The following NIM1K variants were observed in gnomAD, a reference collection of about 807,000 sequenced individuals.
NIM1K encodes the protein NIM1 serine/threonine protein kinase.
In NIM1K, 35 loss-of-function variants were observed where a neutral mutation model predicts 37.1. That is an observed-to-expected ratio of 0.94 (90% CI 0.72 to 1.25). NIM1K has a LOEUF of 1.25. NIM1K is among the 50% of genes most tolerant of loss of function. NIM1K has a pLI of 0.00. For missense variants in NIM1K, 564 were observed against 548.0 expected (o/e 1.03, Z -0.29); for synonymous variants, 234 against 206.6 (o/e 1.13, Z -1.14).
At chr5:43,234,495 T>G (rs1752589330) in intron 1 of NIM1K, among the ~76,000 whole-genome samples, 1 of 152,166 alleles carries the variant, frequency 6.6e-6, no homozygotes, top group Non-Finnish European at 1.5e-5. Flanking sequence ...TTGTTTAATT[T>G]AAACTCCCAT....
intron 1 of NIM1K, among the ~76,000 whole-genome samples, chr5:43,204,395 A>G (rs1285432218): frequency 6.7e-6 from 1 of 150,258 alleles, no homozygotes; most frequent in African/African-American, 2.4e-5. Flanking sequence ...GATAGTTCCA[A>G]TGGTTAATTC....
At chr5:43,210,657 T>C (rs1022270616) in intron 1 of NIM1K, among the ~76,000 whole-genome samples, 4 of 152,072 alleles carry the variant, frequency 2.6e-5, no homozygotes, top group Non-Finnish European at 5.9e-5. Context: ...TACAAAGACA[T>C]AGAAGCATGA....
intron 1 of NIM1K, among the ~76,000 whole-genome samples, chr5:43,241,967 C>T (rs768921632): frequency 6.6e-6 from 1 of 151,908 alleles, no homozygotes; most frequent in African/African-American, 2.4e-5. Flanking sequence ...GGCTTTTTCC[C>T]CAGTTGACTT....
At position 43,233,052 on chromosome 5, in the gene NIM1K, G is replaced by A. The variant is rs1010590545; in HGVS notation, c.-694-12030G>A. The A allele has an allele frequency of 3.5e-5, 45 of 1,304,270 alleles. No individual in the cohort carries two copies. The African/African-American group carries it at 4.3e-4, about 13-fold the overall frequency. 80.8% of individuals were successfully genotyped at this position (1,304,270 alleles called of 1,614,324 possible). ...TGAAGGAGTCATCTCCTCCCCGAGT[G>A]GTCTTGTCACTTGGCATCTGGCCAT... On this transcript the variant is annotated intron_variant, in intron 1 of 3. Transcript: ENST00000326035.
At chr5:43,237,490 GAAC>G (rs1025865416) in intron 1 of NIM1K, among the ~76,000 whole-genome samples, 51 of 152,252 alleles carry the variant, frequency 3.3e-4, no homozygotes, top group Middle Eastern at 6.8e-3. Flanking sequence ...AAAGGCAAAA[GAAC>G]AACAACAAAA....
intron 1 of NIM1K, among the ~76,000 whole-genome samples, chr5:43,222,018 G>C (rs564096009): frequency 6.6e-6 from 1 of 152,148 alleles, no homozygotes; most frequent in Admixed American, 6.5e-5. Flanking sequence ...TGGAGGAGGA[G>C]GCATGAGAGT....
intron 1 of NIM1K, among the ~76,000 whole-genome samples, chr5:43,211,591 G>T (rs1392298098): frequency 1.3e-5 from 2 of 152,212 alleles, no homozygotes; most frequent in African/African-American, 4.8e-5. Flanking sequence ...CCAACAGGAT[G>T]TTTGTGAGAC....
rs997926283 is a variant in NIM1K at position 43,278,277 on chromosome 5, T to G, written c.561+952T>G. Among the ~76,000 whole-genome samples, 6 of 152,314 alleles carry G rather than the reference T, an allele frequency of 3.9e-5. No homozygotes were observed. In the South Asian group the frequency reaches 1.2e-3, roughly 32 times the overall value. On this transcript the variant is annotated intron_variant, in intron 3 of 3. Coordinates refer to ENST00000326035, the MANE Select transcript of NIM1K (RefSeq NM_153361.4). Reference sequence around the variant, plus strand: ...TCAGGCTTGTCTTGAACTCCTGACCTCAAGCGATCCACCTGCCTCGGTCTC... The same window carrying G: ...TCAGGCTTGTCTTGAACTCCTGACCGCAAGCGATCCACCTGCCTCGGTCTC...
At chr5:43,224,703 T>TTC (rs1397268382) in intron 1 of NIM1K, among the ~76,000 whole-genome samples, 1 of 150,984 alleles carries the variant, frequency 6.6e-6, no homozygotes, top group African/African-American at 2.4e-5. Flanking sequence ...GTGAATTTTT[T>TTC]TTTTTTTTTT....
intron 1 of NIM1K, among the ~76,000 whole-genome samples, chr5:43,237,436 A>C (rs563399811): frequency 6.6e-6 from 1 of 152,240 alleles, no homozygotes; most frequent in Non-Finnish European, 1.5e-5. Context: ...TGAGTTTCTA[A>C]GCTCTCATTA....
chr5:43,277,411 C>T, intron 3 of NIM1K, 86 bp downstream of exon 3: 1 of 1,411,074 alleles, frequency 7.1e-7, no homozygotes, highest in South Asian at 1.3e-5. Flanking sequence ...CCTCAAGTGT[C>T]CCAGAGGGCT....
chr5:43,194,333 A>G (rs1751880003), intron 1 of NIM1K, among the ~76,000 whole-genome samples: 1 of 152,178 alleles, frequency 6.6e-6, no homozygotes, highest in South Asian at 2.1e-4. Flanking sequence ...GTGCCATTGA[A>G]TTTGCCTAGT....
At chr5:43,199,204 A>AAAAAATATATATAT (rs1200134957) in intron 1 of NIM1K, among the ~76,000 whole-genome samples, 18 of 94,048 alleles carry the variant, frequency 1.9e-4, no homozygotes, top group Non-Finnish European at 3.3e-4. Flanking sequence ...AAAAAAAAAA[A>AAAAAATATATATAT]ATATATATAT....
intron 1 of NIM1K, among the ~76,000 whole-genome samples, chr5:43,225,002 A>AT (rs1434959707): frequency 2.6e-5 from 4 of 152,092 alleles, no homozygotes; most frequent in Non-Finnish European, 5.9e-5. Flanking sequence ...CCACAAGTGG[A>AT]TTTTTAAAAG....
rs199641869 is a variant in NIM1K, at chr5:43,198,211, T to C, written c.-695+5800T>C. Among the ~76,000 whole-genome samples, 173 of 77,714 alleles carry C rather than the reference T, an allele frequency of 2.2e-3. 5 individuals are homozygous for C. The highest frequency in any genetic ancestry group is 6.0e-3 in the African/African-American group (112 of 18,730). The allele number at this position is 77,714 out of a possible 152,430, so 51.0% of individuals were successfully genotyped here. A position where few individuals can be genotyped will look rare whatever the true frequency, so the allele number is the denominator to read the frequency against. On this transcript the variant is annotated intron_variant, in intron 1 of 3. Transcript: ENST00000326035. ...TCTTTCTTTCTTTCTTTCTTTCTCT[T>C]TCTTTCTTTCTTTCTTTCTTTCTTT...
chr5:43,233,608 A>G (rs1241945519), intron 1 of NIM1K, among the ~76,000 whole-genome samples: 2 of 152,228 alleles, frequency 1.3e-5, no homozygotes, highest in Non-Finnish European at 2.9e-5. Context: ...CTCAAATAGA[A>G]AACGAGGTTT....
chr5:43,271,439 TTATA>T (rs1455315285), intron 2 of NIM1K, among the ~76,000 whole-genome samples: 4 of 152,168 alleles, frequency 2.6e-5, no homozygotes, highest in Non-Finnish European at 5.9e-5. Context: ...ATTTCTGTGA[TTATA>T]TATATTGAAA....
intron 1 of NIM1K, among the ~76,000 whole-genome samples, chr5:43,219,641 T>C (rs936179123): frequency 6.6e-6 from 1 of 152,200 alleles, no homozygotes; most frequent in Non-Finnish European, 1.5e-5. Flanking sequence ...ACAGATTCCA[T>C]ATACAAATAC....
intron 2 of NIM1K, among the ~76,000 whole-genome samples, chr5:43,276,616 C>T (rs949163681): frequency 1.3e-5 from 2 of 152,208 alleles, no homozygotes; most frequent in Non-Finnish European, 2.9e-5. Context: ...AGAGAATGAA[C>T]CAGGTAGAGA....
Sources: allele counts gnomAD v4.1 joint callset (sites outside exome capture counted in the v4.1 genomes callset), GRCh38; gene constraint gnomAD v4.1.1; transcripts MANE v1.5; gene names NCBI Gene and HGNC (gene_info 2026-07-23, HGNC 2026-07-21).